Variants in ARHGAP23 observed in about 807,000 individuals in gnomAD.
The protein encoded by ARHGAP23 is Rho GTPase activating protein 23.
Under a neutral mutation model 136.3 loss-of-function variants are expected in ARHGAP23, and 34 were observed. The ratio of observed to expected loss-of-function variants is 0.25; its 90% CI spans 0.19 to 0.33. The LOEUF (loss-of-function observed/expected upper bound fraction) is 0.33, where lower values mean the gene tolerates loss of function less well. Ranked by LOEUF, ARHGAP23 falls within the 10% of genes least tolerant of loss-of-function variation. The pLI, the probability that ARHGAP23 is intolerant of heterozygous loss-of-function variation, is 1.00. For missense variants in ARHGAP23, 1,808 were observed against 2,139.0 expected (o/e 0.85, Z 3.05); for synonymous variants, 832 against 920.5 (o/e 0.90, Z 1.74).
chr17:38,438,984 C>CA (rs2038862792), intron 1 of ARHGAP23, among the ~76,000 whole-genome samples: 2 of 151,070 alleles, frequency 1.3e-5, no homozygotes, highest in Admixed American at 1.3e-4. Flanking sequence ...AACTCCATCT[C>CA]AAAATAAATA....
chr17:38,440,479 A>G (rs1446052275), intron 1 of ARHGAP23, among the ~76,000 whole-genome samples: 2 of 152,228 alleles, frequency 1.3e-5, no homozygotes, highest in Non-Finnish European at 2.9e-5. Context: ...CAGGCACTCA[A>G]TGCTGAGTCC....
chr17:38,504,389 A>T (rs1209797584), intron 23 of ARHGAP23, among the ~76,000 whole-genome samples: 1 of 152,220 alleles, frequency 6.6e-6, no homozygotes, highest in Non-Finnish European at 1.5e-5. Context: ...GGCACCAGGC[A>T]TCTGAGAGCC....
intron 6 of ARHGAP23, among the ~76,000 whole-genome samples, chr17:38,465,201 C>T (rs1457372778): frequency 3.3e-5 from 5 of 151,210 alleles, no homozygotes; most frequent in Non-Finnish European, 1.5e-5. Flanking sequence ...TGTGCCGGCC[C>T]TGTGCCAGCT....
chr17:38,420,113 G>A (rs1890512347), intron 1 of ARHGAP23, among the ~76,000 whole-genome samples: 1 of 152,174 alleles, frequency 6.6e-6, no homozygotes. Flanking sequence ...GGCTCAGTGG[G>A]CGGGGATGAA....
chr17:38,502,531 T>C (rs1391331251), intron 23 of ARHGAP23, among the ~76,000 whole-genome samples: 1 of 152,190 alleles, frequency 6.6e-6, no homozygotes, highest in Non-Finnish European at 1.5e-5. Context: ...CTCACAAAGC[T>C]TATCTTCTAA....
intron 23 of ARHGAP23, among the ~76,000 whole-genome samples, chr17:38,506,018 A>AC (rs961437835): frequency 3.3e-5 from 5 of 152,202 alleles, no homozygotes; most frequent in African/African-American, 1.2e-4. Context: ...GAGTTTATGG[A>AC]CCCCCAAAGC....
intron 1 of ARHGAP23, among the ~76,000 whole-genome samples, chr17:38,429,075 G>A (rs755016302): frequency 1.4e-4 from 22 of 152,222 alleles, no homozygotes; most frequent in Non-Finnish European, 2.8e-4. Context: ...ACTGCGGGAC[G>A]GGTTGCCAGG....
intron 1 of ARHGAP23, among the ~76,000 whole-genome samples, chr17:38,449,475 G>A (rs9630730): frequency 0.18 from 26,668 of 152,158 alleles, 3,476 homozygotes; most frequent in African/African-American, 0.37. Context: ...CTTGTCAGGC[G>A]GGAGTCTCTA....
At chr17:38,443,714 T>TGAG (rs1215218160) in intron 1 of ARHGAP23, among the ~76,000 whole-genome samples, 24 of 92,634 alleles carry the variant, frequency 2.6e-4, no homozygotes, top group Non-Finnish European at 5.0e-4. Flanking sequence ...GTTTCAGGGG[T>TGAG]GGGGCTGACA....
At chr17:38,458,319 C>A (rs16965350) in intron 2 of ARHGAP23, 56 bp downstream of exon 2, 1 of 1,452,908 alleles carries the variant, frequency 6.9e-7, no homozygotes, top group East Asian at 2.5e-5. Flanking sequence ...GGGAGGGAGA[C>A]TCTTTTGTGC....
intron 14 of ARHGAP23, among the ~76,000 whole-genome samples, chr17:38,480,327 C>A (rs888631357): frequency 3.9e-5 from 6 of 152,132 alleles, no homozygotes; most frequent in Non-Finnish European, 7.4e-5. Context: ...CATGGTGAAA[C>A]CCCAACTCTA....
At chr17:38,509,630 G>A (rs1216282184) in intron 23 of ARHGAP23, among the ~76,000 whole-genome samples, 2 of 152,202 alleles carry the variant, frequency 1.3e-5, no homozygotes, top group African/African-American at 4.8e-5. Flanking sequence ...TGGAGAGATT[G>A]TCATCACCAG....
chr17:38,453,033 G>A (rs1195562214), intron 1 of ARHGAP23, among the ~76,000 whole-genome samples: 1 of 152,206 alleles, frequency 6.6e-6, no homozygotes, highest in African/African-American at 2.4e-5. Context: ...GAGGGGCTGT[G>A]GCATCCATGC....
intron 17 of ARHGAP23, among the ~76,000 whole-genome samples, chr17:38,488,199 C>T (rs182848904): frequency 9.8e-5 from 15 of 152,318 alleles, no homozygotes; most frequent in Admixed American, 7.8e-4. Context: ...TGAGCCACCT[C>T]ACCCAGACAG....
intron 21 of ARHGAP23, among the ~76,000 whole-genome samples, chr17:38,498,070 AC>A (rs56039452): frequency 0.17 from 26,521 of 152,132 alleles, 2,491 homozygotes; most frequent in Middle Eastern, 0.25. Context: ...CTCAGAGGGA[AC>A]CCAGTTCAGG....
chr17:38,499,666 C>T (rs1400232007), intron 22 of ARHGAP23, among the ~76,000 whole-genome samples: 3 of 152,176 alleles, frequency 2.0e-5, no homozygotes, highest in African/African-American at 4.8e-5. Context: ...AATCACCCGC[C>T]GCCCCCCGCG....
chr17:38,509,992 A>G lies in ARHGAP23; in HGVS notation c.3496A>G (p.Ile1166Val). Residue 1166 changes from isoleucine to valine, a missense_variant, in exon 24 of 24, where the codon ATC becomes GTC. Ile to Val is a conservative substitution (Grantham distance 29). This residue lies in a region of ARHGAP23 where 104 missense variants were observed against 131.8 expected (regional missense o/e 0.79). Transcript: ENST00000622683. ...KEPYAREMLA[I>V]SFISAVNRKR... ...GCCGTACGCCCGGGAGATGCTGGCGATCTCCTTCATCTCGGCCGTCAACCG... is the reference window on the plus strand; with the variant it reads ...GCCGTACGCCCGGGAGATGCTGGCGGTCTCCTTCATCTCGGCCGTCAACCG... 1 of 1,249,318 alleles carries G rather than the reference A, an allele frequency of 8.0e-7. No individual in the cohort carries two copies. The highest frequency in any genetic ancestry group is 1.0e-6 in the Non-Finnish European group (1 of 993,212). The allele number at this position is 1,249,318 out of a possible 1,614,324, so 77.4% of individuals were successfully genotyped here.
chr17:38,482,840 G>A (rs1220616700), intron 16 of ARHGAP23, among the ~76,000 whole-genome samples, 162 bp downstream of exon 16: 21 of 152,218 alleles, frequency 1.4e-4, no homozygotes, highest in Admixed American at 1.2e-3. Context: ...ACCTGCCCCC[G>A]CTGGCCAGCC....
intron 23 of ARHGAP23, chr17:38,501,089 CA>C (rs1231048224): frequency 6.6e-6 from 1 of 152,238 alleles, no homozygotes; most frequent in African/African-American, 2.5e-5. Context: ...CTAAAGCAAG[CA>C]GAAGGAAATA....
Sources: allele counts gnomAD v4.1 joint callset (sites outside exome capture counted in the v4.1 genomes callset), GRCh38; gene constraint gnomAD v4.1.1; regional missense constraint gnomAD v4.1.1; transcripts MANE v1.5; gene names NCBI Gene and HGNC (gene_info 2026-07-23, HGNC 2026-07-21).